Variants in PITPNM3 observed in about 807,000 individuals in gnomAD.
The protein encoded by PITPNM3 is membrane-associated phosphatidylinositol transfer protein 3.
Under a neutral mutation model 102.0 loss-of-function variants are expected in PITPNM3, and 26 were observed. That is an observed-to-expected ratio of 0.25 (90% CI 0.19 to 0.35). PITPNM3 has a LOEUF of 0.35. Ranked by LOEUF, PITPNM3 falls within the 10% of genes least tolerant of loss-of-function variation. The probability of loss-of-function intolerance (pLI) is 1.00; values close to 1 mark genes in which losing one functional copy is unlikely to be tolerated. For missense variants in PITPNM3, 1,083 were observed against 1,346.1 expected (o/e 0.80, Z 3.06); for synonymous variants, 578 against 558.6 (o/e 1.03, Z -0.49).
intron 4 of PITPNM3, among the ~76,000 whole-genome samples, chr17:6,501,232 C>T (rs957718858): frequency 3.3e-5 from 5 of 152,180 alleles, no homozygotes; most frequent in African/African-American, 1.2e-4. Flanking sequence ...GGTTCTTTTC[C>T]TCTTCTGCAT....
At position 6,478,244 on chromosome 17, in the gene PITPNM3, C is replaced by A. The variant is rs954294561; in HGVS notation, c.778-147G>T. 1.4e-6 allele frequency: 2 copies of A among 1,388,870 alleles called. No individual in the cohort carries two copies. The highest frequency in any genetic ancestry group is 1.3e-5 in the South Asian group (1 of 75,548). The allele number at this position is 1,388,870 out of a possible 1,614,324, so 86.0% of individuals were successfully genotyped here. ...GAGAGCCCAACTGGGAAGCAGTGTG[C>A]AAACTGGGGAGGGTCAGGGTTGGCG... On this transcript the variant is annotated intron_variant, in intron 7 of 19. Coordinates refer to ENST00000262483, the MANE Select transcript of PITPNM3 (RefSeq NM_031220.4). The surrounding 1 kb of genome is among the most constrained non-coding windows in gnomAD (Gnocchi z 4.4).
intron 4 of PITPNM3, among the ~76,000 whole-genome samples, chr17:6,491,328 C>A (rs1214205172): frequency 6.6e-6 from 1 of 152,112 alleles, no homozygotes; most frequent in Admixed American, 6.5e-5. Flanking sequence ...CACTTGAGCT[C>A]AAGGAATGTG....
intron 4 of PITPNM3, among the ~76,000 whole-genome samples, chr17:6,497,107 T>C (rs1255954538): frequency 6.6e-6 from 1 of 152,228 alleles, no homozygotes; most frequent in East Asian, 1.9e-4. Flanking sequence ...ATATAGCCTG[T>C]CTGCAGCTGT....
chr17:6,529,748 C>T (rs141352640), intron 2 of PITPNM3, among the ~76,000 whole-genome samples: 2 of 152,334 alleles, frequency 1.3e-5, no homozygotes, highest in East Asian at 3.9e-4. Context: ...ATATGCATTG[C>T]TTGGGGCTCT....
chr17:6,528,821 AC>A (rs1908986657), intron 2 of PITPNM3, among the ~76,000 whole-genome samples: 17 of 152,124 alleles, frequency 1.1e-4, no homozygotes, highest in Admixed American at 1.0e-3. Context: ...ACACACACAC[AC>A]ATACACACGG....
At chr17:6,487,183 G>A (rs916400518) in intron 4 of PITPNM3, among the ~76,000 whole-genome samples, 1 of 152,206 alleles carries the variant, frequency 6.6e-6, no homozygotes, top group Admixed American at 6.5e-5. Flanking sequence ...TTAAAGCCAC[G>A]GACCCTGGAT....
At chr17:6,543,928 T>C (rs1909867631) in intron 1 of PITPNM3, among the ~76,000 whole-genome samples, 1 of 152,264 alleles carries the variant, frequency 6.6e-6, no homozygotes, top group South Asian at 2.1e-4. Flanking sequence ...AATCGAGCCC[T>C]TTCCAAGGAA....
intron 6 of PITPNM3, chr17:6,480,745 T>A (rs1228912135): frequency 6.6e-6 from 1 of 152,288 alleles, no homozygotes; most frequent in Non-Finnish European, 1.5e-5. Context: ...TTGGGCCCTG[T>A]AGGCGTTTGG....
In PITPNM3 at chr17:6,471,096, C is replaced by A. The variant is rs1032629673; in HGVS notation, c.1624+65G>T. ...CTCAGCAGCTCTAGCAGTGGCCCAG[C>A]AAACACCCAGAGGAAGGTTCCCCTC... On this transcript the variant is annotated intron_variant, in intron 12 of 19. Transcript: ENST00000262483. 21 of 1,582,282 alleles carry A rather than the reference C, an allele frequency of 1.3e-5. No individual in the cohort carries two copies. The South Asian group carries it at 2.3e-4, about 17-fold the overall frequency.
chr17:6,512,880 T>C (rs1567682904), intron 3 of PITPNM3, among the ~76,000 whole-genome samples: 1 of 152,162 alleles, frequency 6.6e-6, no homozygotes, highest in African/African-American at 2.4e-5. Flanking sequence ...ATTGTTAGTA[T>C]ACATTATCCT....
chr17:6,510,167 G>A (rs528085086), intron 3 of PITPNM3, among the ~76,000 whole-genome samples: 2 of 152,238 alleles, frequency 1.3e-5, no homozygotes, highest in Admixed American at 6.5e-5. Flanking sequence ...GCTAAATTCC[G>A]CTTAGTCCTT....
intron 3 of PITPNM3, among the ~76,000 whole-genome samples, chr17:6,516,040 G>A (rs1908153846): frequency 6.6e-6 from 1 of 152,162 alleles, no homozygotes; most frequent in East Asian, 1.9e-4. Flanking sequence ...AGGTGTGGTA[G>A]TGCAGGCCTG....
At chr17:6,538,312 T>C (rs1042431275) in intron 1 of PITPNM3, among the ~76,000 whole-genome samples, 2 of 150,530 alleles carry the variant, frequency 1.3e-5, no homozygotes, top group Non-Finnish European at 2.9e-5. Flanking sequence ...CCATTTTCCA[T>C]GTCCTAACAC....
chr17:6,522,153 G>A (rs766930495), intron 3 of PITPNM3, among the ~76,000 whole-genome samples: 1 of 152,038 alleles, frequency 6.6e-6, no homozygotes, highest in Non-Finnish European at 1.5e-5. Flanking sequence ...AAACAAGGCC[G>A]GTCTTTATGA....
chr17:6,506,622 G>A (rs566667057), intron 3 of PITPNM3, among the ~76,000 whole-genome samples: 28 of 152,160 alleles, frequency 1.8e-4, no homozygotes, highest in East Asian at 9.7e-4. Flanking sequence ...TGCCCACCTC[G>A]GCCTCCCAAA....
Position 6,537,855 on chromosome 17 carries a change from G to T in PITPNM3, c.118+132C>A. On this transcript the variant is annotated intron_variant, in intron 2 of 19. Coordinates refer to ENST00000262483, the MANE Select transcript of PITPNM3 (RefSeq NM_031220.4). This position sits in a 1 kb window ranked among gnomAD's most constrained non-coding sequence, Gnocchi z 4.4. ...CTGCTCTTGGCACATCCACAGGATG[G>T]GTAAGTATGGAGTGTGGAGCTGCAG... is the stretch of plus-strand genomic sequence containing the variant. The T allele has an allele frequency of 1.3e-6, 1 of 789,634 alleles. No homozygotes were observed. Among genetic ancestry groups the T allele is most frequent in the Non-Finnish European group, 2.2e-6 (1 of 453,340 alleles). The allele number at this position is 789,634 out of a possible 1,614,324, so 48.9% of individuals were successfully genotyped here.
At chr17:6,505,193 A>ATATATGTATATATATATATATATAT (rs1198801942) in intron 3 of PITPNM3, among the ~76,000 whole-genome samples, 1 of 72,284 alleles carries the variant, frequency 1.4e-5, no homozygotes, top group African/African-American at 4.5e-5. Flanking sequence ...GAAGACAAAT[A>ATATATGTATATATATATATATATAT]AAATATATAT....
Position 6,459,685 on chromosome 17 carries a change from A to G in PITPNM3, c.2490+1688T>C, listed in dbSNP as rs554460596. Among the ~76,000 whole-genome samples the G allele has an allele frequency of 1.3e-5, 2 of 152,168 alleles. No homozygotes were observed. The highest frequency in any genetic ancestry group is 3.9e-4 in the East Asian group (2 of 5,162). On this transcript the variant is annotated intron_variant, in intron 18 of 19. Transcript: ENST00000262483. The surrounding 1 kb of genome is among the most constrained non-coding windows in gnomAD (Gnocchi z 5.0). Reference sequence around the variant, plus strand: ...TATGGAGTCCCTACCATGTGGCATCATCACCCCCAATGCAGAAGCTATATT... The same window carrying G: ...TATGGAGTCCCTACCATGTGGCATCGTCACCCCCAATGCAGAAGCTATATT...
rs1914175087 is a variant in PITPNM3 at position 6,457,803 on chromosome 17, C to A, written c.2491-81G>T. 6.5e-7 allele frequency: 1 copy of A among 1,531,474 alleles called. No homozygotes were observed. Among genetic ancestry groups the A allele is most frequent in the Non-Finnish European group, 8.8e-7 (1 of 1,135,894 alleles). The allele number at this position is 1,531,474 out of a possible 1,614,324, so 94.9% of individuals were successfully genotyped here. On this transcript the variant is annotated intron_variant, in intron 18 of 19. Transcript: ENST00000262483. This position sits in a 1 kb window ranked among gnomAD's most constrained non-coding sequence, Gnocchi z 4.7. Reference sequence around the variant, plus strand: ...CCTTCCCAGGCCAACCCCAGGGGGCCCCTGCTTGGGGACCCTTTATGTGCA... The same window carrying A: ...CCTTCCCAGGCCAACCCCAGGGGGCACCTGCTTGGGGACCCTTTATGTGCA...
Sources: gnomAD v4.1 joint callset for allele counts (sites outside exome capture counted in the v4.1 genomes callset) on GRCh38, gnomAD v4.1.1 for gene constraint, Gnocchi (gnomAD v3.1) non-coding constraint, MANE v1.5 for transcripts, NCBI Gene and HGNC (gene_info 2026-07-23, HGNC 2026-07-21) for gene names.